CD200R1: variants seen among roughly 807,000 people sequenced by gnomAD.
The protein encoded by CD200R1 is cell surface glycoprotein CD200 receptor 1.
In CD200R1, 30 loss-of-function variants were observed where a neutral mutation model predicts 38.1. The observed-to-expected ratio is 0.79, with a 90% confidence interval of 0.59 to 1.07. The LOEUF is 1.07. Among genes scored for constraint, CD200R1 ranks in the 50% least tolerant of loss-of-function variants. CD200R1 has a pLI of 0.00. For synonymous variants in CD200R1, 128 were observed against 152.1 expected, an observed-to-expected ratio of 0.84 and a Z score of 1.16; for missense variants, 372 against 415.4, an observed-to-expected ratio of 0.90 and a Z score of 0.91.
intron 2 of CD200R1, among the ~76,000 whole-genome samples, chr3:112,934,792 T>C (rs1387386892): frequency 2.6e-5 from 4 of 152,066 alleles, no homozygotes; most frequent in Non-Finnish European, 5.9e-5. Context: ...ATCATGCCAT[T>C]GCACTCCAGC....
intron 5 of CD200R1, among the ~76,000 whole-genome samples, chr3:112,925,501 T>C (rs1385770777): frequency 6.6e-6 from 1 of 152,084 alleles, no homozygotes; most frequent in Non-Finnish European, 1.5e-5. Context: ...CTGTTCCATA[T>C]AATACTGTAC....
intron 1 of CD200R1, among the ~76,000 whole-genome samples, chr3:112,954,318 C>A (rs544094800): frequency 1.1e-4 from 17 of 152,214 alleles, no homozygotes; most frequent in African/African-American, 3.6e-4. Context: ...GATATGATAC[C>A]AATTTTCTTA....
intron 7 of CD200R1, among the ~76,000 whole-genome samples, chr3:112,924,017 G>A (rs1263656796): frequency 6.6e-6 from 1 of 151,850 alleles, no homozygotes; most frequent in Non-Finnish European, 1.5e-5. Flanking sequence ...GGAGATAATG[G>A]CTCTGTGCAA....
intron 2 of CD200R1, among the ~76,000 whole-genome samples, chr3:112,937,107 C>A (rs1940602261): frequency 6.6e-6 from 1 of 151,994 alleles, no homozygotes; most frequent in South Asian, 2.1e-4. Context: ...CTTGGGAGGC[C>A]TCAGAAAATT....
intron 3 of CD200R1, 131 bp from the exon 4 acceptor site, chr3:112,929,638 T>A (rs1940379218): frequency 2.5e-6 from 2 of 802,438 alleles, no homozygotes; most frequent in Admixed American, 3.3e-5. Context: ...TATTAGACCT[T>A]CATAAAAAAT....
chr3:112,930,540 G>A (rs1043325959), intron 3 of CD200R1, among the ~76,000 whole-genome samples: 5 of 152,172 alleles, frequency 3.3e-5, no homozygotes, highest in Admixed American at 6.5e-5. Flanking sequence ...CCCATAAATC[G>A]ACACAATGTG....
intron 2 of CD200R1, among the ~76,000 whole-genome samples, chr3:112,940,749 A>T (rs542560515): frequency 6.6e-5 from 10 of 151,836 alleles, no homozygotes; most frequent in Non-Finnish European, 1.2e-4. Context: ...GGAAGTTCCT[A>T]AAAAAATTAG....
rs184896152 is a variant in CD200R1 at position 112,954,789 on chromosome 3, A to G, written c.68-6865T>C. 1.9e-3 allele frequency among the ~76,000 whole-genome samples: 286 copies of G among 152,246 alleles called. 1 individual carries two copies. The highest frequency in any genetic ancestry group is 3.1e-3 in the Non-Finnish European group (214 of 68,002). On this transcript the variant is annotated intron_variant, in intron 1 of 7. Transcript: ENST00000308611. ...CACTTTTTCATCTGTATCCTTTGTA[A>G]TATCTTTCATAATAAACTAGTAAAC...
chr3:112,926,621 C>A (rs1268899925), intron 5 of CD200R1, among the ~76,000 whole-genome samples: 1 of 152,048 alleles, frequency 6.6e-6, no homozygotes, highest in Admixed American at 6.6e-5. Context: ...TCACACATAA[C>A]CAAGGCACAA....
Position 112,923,741 on chromosome 3 carries a change from G to C in CD200R1, c.983C>G (p.Thr328Arg), listed in dbSNP as rs890447009. The change falls in exon 8 of 8, where the codon ACA becomes AGA. Residue 328 changes from threonine to arginine, a missense_variant. Transcript: ENST00000308611. ...TGCCTCAGATGCCTTCACCTTGTTT[G>C]TAGTATCATAGAGAGGATTGTTCTT... is the stretch of plus-strand genomic sequence containing the variant. ...TEKNNPLYDTTNKVKASEALQ... is the reference protein window; with the variant it reads ...TEKNNPLYDTRNKVKASEALQ... 3 of 1,609,088 alleles carry C rather than the reference G, an allele frequency of 1.9e-6. No individual in the cohort carries two copies. Among genetic ancestry groups the C allele is most frequent in the Admixed American group, 3.4e-5 (2 of 59,600 alleles).
intron 2 of CD200R1, among the ~76,000 whole-genome samples, chr3:112,931,780 C>G (rs1488188): frequency 0.028 from 4,298 of 151,994 alleles, 186 homozygotes; most frequent in East Asian, 0.21. Flanking sequence ...AAGCAATAGA[C>G]AGCTAAGATT....
chr3:112,921,749 G>A lies in CD200R1; in HGVS notation c.*1928C>T, dbSNP rs1940175365. ...AACCATGTTCCAGCCCCATAGTAGAGATTTTCATACAATTATTTTCTGTAC... is the reference window on the plus strand; with the variant it reads ...AACCATGTTCCAGCCCCATAGTAGAAATTTTCATACAATTATTTTCTGTAC... On this transcript the variant is annotated 3_prime_UTR_variant, in exon 8 of 8. Coordinates refer to ENST00000308611, the MANE Select transcript of CD200R1 (RefSeq NM_138806.4). The A allele has an allele frequency of 6.6e-6, 1 of 151,962 alleles. No homozygotes were observed. The highest frequency in any genetic ancestry group is 1.5e-5 in the Non-Finnish European group (1 of 67,980). The allele number at this position is 151,962 out of a possible 1,614,324, so 9.4% of individuals were successfully genotyped here. A position where few individuals can be genotyped will look rare whatever the true frequency, so the allele number is the denominator to read the frequency against.
chr3:112,962,698 T>C (rs1039867298), intron 1 of CD200R1, among the ~76,000 whole-genome samples: 2 of 152,198 alleles, frequency 1.3e-5, no homozygotes, highest in Non-Finnish European at 2.9e-5. Context: ...AAAAATTACA[T>C]GTATCAGCTA....
rs1162276335 is a variant in CD200R1 at position 112,925,190 on chromosome 3, G to A, written c.773C>T (p.Pro258Leu). The change falls in exon 6 of 8, where the codon CCA becomes CTA. Residue 258 changes from proline (P) to leucine (L), a missense_variant. By Grantham distance (98) the Pro-to-Leu change is moderately conservative. Coordinates refer to ENST00000308611, the MANE Select transcript of CD200R1 (RefSeq NM_138806.4). ...TAATTTTGCTGATTTTTTGGCACCT[G>A]GAACTATAGACACAAAAATATATGG... ...KSLYIELLPV[P>L]GAKKSAKLYI... The A allele has an allele frequency of 6.8e-7, 1 of 1,466,530 alleles. No homozygotes were observed. The highest frequency in any genetic ancestry group is 9.5e-7 in the Non-Finnish European group (1 of 1,049,132). The allele number at this position is 1,466,530 out of a possible 1,614,324, so 90.8% of individuals were successfully genotyped here.
intron 3 of CD200R1, 95 bp downstream of exon 3, chr3:112,931,011 T>C: frequency 1.2e-6 from 1 of 862,780 alleles, no homozygotes; most frequent in Non-Finnish European, 2.0e-6. Context: ...CAAGTAGTCA[T>C]AAGGCTGGCT....
rs1051110653 is a variant in CD200R1, at chr3:112,923,531, T to C, written c.*146A>G. 3 of 493,964 alleles carry C rather than the reference T, an allele frequency of 6.1e-6. No individual in the cohort carries two copies. In the African/African-American group the frequency reaches 6.1e-5, roughly 10 times the overall value. The allele number at this position is 493,964 out of a possible 1,614,324, so 30.6% of individuals were successfully genotyped here. ...CAAAAATTCCAATTATACAAGGGTA[T>C]GAATGAGAATCCATTAAAATGTCTT... On this transcript the variant is annotated 3_prime_UTR_variant, in exon 8 of 8. Coordinates refer to ENST00000308611, the MANE Select transcript of CD200R1 (RefSeq NM_138806.4).
At chr3:112,947,441 C>T (rs1940889538) in intron 2 of CD200R1, among the ~76,000 whole-genome samples, 1 of 152,070 alleles carries the variant, frequency 6.6e-6, no homozygotes, top group African/African-American at 2.4e-5. Flanking sequence ...GATCCTAAAA[C>T]TTCTCTAAAA....
At chr3:112,969,199 C>T (rs1933239196) in intron 1 of CD200R1, among the ~76,000 whole-genome samples, 1 of 151,826 alleles carries the variant, frequency 6.6e-6, no homozygotes. Flanking sequence ...TAGGGCTTTA[C>T]AGAAGAATGA....
Position 112,948,402 on chromosome 3 carries a change from G to A in CD200R1, c.68-478C>T, listed in dbSNP as rs80317827. On this transcript the variant is annotated intron_variant, in intron 1 of 7. Transcript: ENST00000308611. Reference sequence around the variant, plus strand: ...CTTTTTGGCACCAGGGACCCATTTCGAGGAAGATAATTTTTCCACCACGGA... The same window carrying A: ...CTTTTTGGCACCAGGGACCCATTTCAAGGAAGATAATTTTTCCACCACGGA... Among the ~76,000 whole-genome samples the A allele has an allele frequency of 2.1e-3, 315 of 152,248 alleles. 6 individuals are homozygous for A. In the East Asian group the frequency reaches 0.046, roughly 22 times the overall value.
Sources: allele counts gnomAD v4.1 joint callset (sites outside exome capture counted in the v4.1 genomes callset), GRCh38; gene constraint gnomAD v4.1.1; transcripts MANE v1.5; gene names NCBI Gene and HGNC (gene_info 2026-07-23, HGNC 2026-07-21).